TMTC2: variants seen among roughly 807,000 people sequenced by gnomAD.
TMTC2 encodes protein O-mannosyl-transferase TMTC2.
A neutral mutation model predicts 82.4 loss-of-function variants in TMTC2; 43 were observed. That is an observed-to-expected ratio of 0.52 (90% CI 0.41 to 0.67). The LOEUF is 0.67. Ranked by LOEUF, TMTC2 falls within the 30% of genes least tolerant of loss-of-function variation. TMTC2 has a pLI of 0.00. For missense variants in TMTC2, 919 were observed against 1,012.4 expected (o/e 0.91, Z 1.25); for synonymous variants, 408 against 381.9 (o/e 1.07, Z -0.80).
chr12:82,861,359 C>T (rs1167284322), intron 2 of TMTC2, among the ~76,000 whole-genome samples: 1 of 152,162 alleles, frequency 6.6e-6, no homozygotes, highest in African/African-American at 2.4e-5. Flanking sequence ...CTAACAACCC[C>T]ATACTTCCAA....
chr12:82,838,551 T>C (rs1039920682), intron 1 of TMTC2, among the ~76,000 whole-genome samples: 2 of 152,192 alleles, frequency 1.3e-5, no homozygotes, highest in African/African-American at 2.4e-5. Context: ...GTTTATAACT[T>C]ATGTAGAAGT....
intron 3 of TMTC2, 33 bp from the exon 4 acceptor site, chr12:82,930,398 C>A: frequency 7.6e-7 from 1 of 1,310,666 alleles, no homozygotes; most frequent in Non-Finnish European, 1.1e-6. Context: ...TGGATTGATG[C>A]TCAGTCTGAA....
At chr12:82,791,885 C>T (rs1878485836) in intron 1 of TMTC2, among the ~76,000 whole-genome samples, 1 of 152,094 alleles carries the variant, frequency 6.6e-6, no homozygotes, top group Admixed American at 6.5e-5. Flanking sequence ...ACCTCCACAG[C>T]CACTGCTTAT....
intron 1 of TMTC2, among the ~76,000 whole-genome samples, chr12:82,730,511 AAAC>A (rs1021164267): frequency 1.5e-4 from 23 of 152,266 alleles, no homozygotes; most frequent in African/African-American, 5.1e-4. Flanking sequence ...TGTCCACTTT[AAAC>A]AACATTGACT....
intron 9 of TMTC2, among the ~76,000 whole-genome samples, chr12:83,045,478 G>GA: frequency 6.6e-6 from 1 of 152,174 alleles, no homozygotes; most frequent in Non-Finnish European, 1.5e-5. Flanking sequence ...TGCTGTATAT[G>GA]AAAAAGAAGT....
Position 83,039,661 on chromosome 12 carries a change from G to C in TMTC2, c.2152+8782G>C, listed in dbSNP as rs7961804. Among the ~76,000 whole-genome samples the C allele has an allele frequency of 2.9e-3, 445 of 152,116 alleles. 2 individuals are homozygous for C. Among genetic ancestry groups the C allele is most frequent in the African/African-American group, 0.01 (433 of 41,522 alleles). ...GGAGTTTATTACCCAAGGTTTCAAT[G>C]CCAGTTAATAGTAGATAAATTCTTT... is the stretch of plus-strand genomic sequence containing the variant. On this transcript the variant is annotated intron_variant, in intron 9 of 11. Coordinates refer to ENST00000321196, the MANE Select transcript of TMTC2 (RefSeq NM_152588.3).
intron 1 of TMTC2, chr12:82,759,883 G>A (rs746632188): frequency 2.1e-4 from 32 of 152,192 alleles, no homozygotes; most frequent in Non-Finnish European, 4.4e-4. Context: ...ATGTGAACAT[G>A]TTTAAATCTT....
intron 11 of TMTC2, among the ~76,000 whole-genome samples, chr12:83,116,208 A>C (rs1332244533): frequency 6.6e-6 from 1 of 152,186 alleles, no homozygotes; most frequent in Non-Finnish European, 1.5e-5. Context: ...TTCACTTAGA[A>C]TAATAGTCTC....
intron 2 of TMTC2, among the ~76,000 whole-genome samples, chr12:82,894,313 A>G (rs985047680): frequency 2.0e-5 from 3 of 152,168 alleles, no homozygotes; most frequent in African/African-American, 7.2e-5. Flanking sequence ...GGTAGAGTGG[A>G]AAAGAGCATT....
chr12:82,932,919 C>T (rs985361550), intron 4 of TMTC2, among the ~76,000 whole-genome samples: 1 of 152,138 alleles, frequency 6.6e-6, no homozygotes, highest in Non-Finnish European at 1.5e-5. Context: ...TTTCACTTGA[C>T]ATGTAATTTT....
chr12:83,050,552 T>C (rs1882307612), intron 9 of TMTC2, among the ~76,000 whole-genome samples: 1 of 152,166 alleles, frequency 6.6e-6, no homozygotes, highest in South Asian at 2.1e-4. Context: ...TCAATATGAA[T>C]ATACCTGTTT....
intron 8 of TMTC2, among the ~76,000 whole-genome samples, chr12:83,023,884 A>T (rs186330064): frequency 1.3e-5 from 2 of 152,356 alleles, no homozygotes; most frequent in East Asian, 3.9e-4. Flanking sequence ...GAGAGGGCAC[A>T]GAAGACCAGA....
chr12:82,687,757 G>A (rs1872394861), intron 1 of TMTC2, 88 bp downstream of exon 1: 4 of 1,300,944 alleles, frequency 3.1e-6, no homozygotes, highest in Middle Eastern at 1.8e-4. Flanking sequence ...CTCAAAGTGC[G>A]TCTTGGAGGA....
At chr12:82,984,751 C>T (rs1879082226) in intron 7 of TMTC2, among the ~76,000 whole-genome samples, 1 of 152,068 alleles carries the variant, frequency 6.6e-6, no homozygotes, top group Admixed American at 6.6e-5. Flanking sequence ...ACAATTGTTG[C>T]ATCAGTTGAA....
At chr12:82,752,147 C>CT (rs1555182219) in intron 1 of TMTC2, among the ~76,000 whole-genome samples, 11 of 137,938 alleles carry the variant, frequency 8.0e-5, no homozygotes, top group African/African-American at 3.1e-4. Flanking sequence ...TTGGAAGCTC[C>CT]TTTTTTTTTT....
chr12:82,937,632 A>T (rs552460572), intron 4 of TMTC2, among the ~76,000 whole-genome samples: 2 of 151,478 alleles, frequency 1.3e-5, no homozygotes, highest in East Asian at 3.9e-4. Flanking sequence ...GTAATTTTTA[A>T]TGGGGAGAGT....
chr12:82,808,886 G>C (rs1400310873), intron 1 of TMTC2, among the ~76,000 whole-genome samples: 1 of 151,618 alleles, frequency 6.6e-6, no homozygotes, highest in African/African-American at 2.4e-5. Flanking sequence ...TTGGCCAAAA[G>C]TTTTGTCCAT....
chr12:82,857,385 C>G lies in TMTC2; in HGVS notation c.459C>G (p.Leu153=), dbSNP rs145332520. The change falls in exon 2 of 12, where the codon CTC becomes CTG. Residue 153 remains leucine (L), a synonymous_variant. Transcript: ENST00000321196. ...GTCTCTTCTTTCTCCTCTCCTTGCT[C>G]TGCTACATTAAACACTGTTCTACAA... The part of the protein sequence containing the change: ...GASLFFLLSL[L]CYIKHCSTRG... 118 of 1,614,180 alleles carry G rather than the reference C, an allele frequency of 7.3e-5. No individual in the cohort carries two copies. The Middle Eastern group carries it at 1.2e-3, about 16-fold the overall frequency.
chr12:82,817,053 C>T (rs969555045), intron 1 of TMTC2, among the ~76,000 whole-genome samples: 1 of 151,102 alleles, frequency 6.6e-6, no homozygotes, highest in African/African-American at 2.4e-5. Flanking sequence ...CTGTAACCTC[C>T]GCCTCCTGGG....
Sources: gnomAD v4.1 joint callset for allele counts (sites outside exome capture counted in the v4.1 genomes callset) on GRCh38, gnomAD v4.1.1 for gene constraint, MANE v1.5 for transcripts, NCBI Gene and HGNC (gene_info 2026-07-23, HGNC 2026-07-21) for gene names.